The following TDP1 variants were observed in gnomAD, a reference collection of about 807,000 sequenced individuals.
TDP1 encodes tyrosyl-DNA phosphodiesterase 1.
A neutral mutation model predicts 81.5 loss-of-function variants in TDP1; 64 were observed. The observed-to-expected ratio is 0.79, with a 90% confidence interval of 0.64 to 0.97. TDP1 has a LOEUF of 0.97. TDP1 is among the 50% of genes least tolerant of loss of function. The probability of loss-of-function intolerance (pLI) is 0.00; values close to 1 mark genes in which losing one functional copy is unlikely to be tolerated. For missense variants in TDP1, 723 were observed against 743.8 expected, an observed-to-expected ratio of 0.97 and a Z score of 0.33; for synonymous variants, 256 against 264.3, an observed-to-expected ratio of 0.97 and a Z score of 0.30.
At chr14:90,001,895 A>C (rs905701117) in intron 14 of TDP1, among the ~76,000 whole-genome samples, 2 of 152,002 alleles carry the variant, frequency 1.3e-5, no homozygotes, top group African/African-American at 4.8e-5. Flanking sequence ...TTCTGTAGGC[A>C]TCGACCTGGT....
chr14:90,033,991 C>A (rs1001329172), intron 16 of TDP1, among the ~76,000 whole-genome samples: 3 of 151,988 alleles, frequency 2.0e-5, no homozygotes, highest in African/African-American at 7.3e-5. Flanking sequence ...CGCTTGAGCC[C>A]AGGAGTTTGA....
rs987663931 is a variant in TDP1, at chr14:90,043,372, A to G, written c.*229A>G. 1.7e-6 allele frequency: 1 copy of G among 600,386 alleles called. No individual in the cohort carries two copies. Among genetic ancestry groups the G allele is most frequent in the Non-Finnish European group, 2.9e-6 (1 of 340,984 alleles). 37.2% of individuals were successfully genotyped at this position (600,386 alleles called of 1,614,324 possible). ...TTTTATATGTTTTGGAAAGAAAATTAGTGAACTTCTCTATGTTAAAAATAC... is the reference window on the plus strand; with the variant it reads ...TTTTATATGTTTTGGAAAGAAAATTGGTGAACTTCTCTATGTTAAAAATAC... On this transcript the variant is annotated 3_prime_UTR_variant, in exon 17 of 17. Transcript: ENST00000335725.
chr14:89,991,867 T>A, intron 12 of TDP1, 50 bp from the exon 13 acceptor site: 1 of 1,532,758 alleles, frequency 6.5e-7, no homozygotes, highest in East Asian at 2.3e-5. Context: ...TAATGAGGGA[T>A]CCTCAAATTA....
At position 89,980,555 on chromosome 14, in the gene TDP1, G is replaced by A; in HGVS notation, c.807G>A (p.Leu269=). ...GTTTTTAAAGGAAAATGATGCTGCT[G>A]CTCTATGAAGAAGGCCTCCGGGTTG... The part of the protein sequence containing the change: ...FGTHHTKMML[L]LYEEGLRVVI... Residue 269 remains leucine, a synonymous_variant, in exon 8 of 17, where the codon CTG becomes CTA. Transcript: ENST00000335725. 6.2e-7 allele frequency: 1 copy of A among 1,614,104 alleles called. No homozygotes were observed.
At chr14:89,992,973 T>C in intron 13 of TDP1, 3 of 979,666 alleles carry the variant, frequency 3.1e-6, no homozygotes, top group Non-Finnish European at 3.6e-6. Context: ...TTTTGTATTT[T>C]GTTTCATTCA....
chr14:89,964,610 T>C (rs1892715357), intron 3 of TDP1, among the ~76,000 whole-genome samples: 1 of 152,208 alleles, frequency 6.6e-6, no homozygotes, highest in African/African-American at 2.4e-5. Flanking sequence ...TTGTATATTG[T>C]GTGTGATGTA....
intron 14 of TDP1, among the ~76,000 whole-genome samples, chr14:90,015,402 T>C (rs1885194285): frequency 6.6e-6 from 1 of 152,216 alleles, no homozygotes; most frequent in South Asian, 2.1e-4. Flanking sequence ...AAACCTGTAA[T>C]AAGCAGTCAC....
chr14:90,032,175 A>G (rs766780005), intron 15 of TDP1, among the ~76,000 whole-genome samples: 3 of 152,178 alleles, frequency 2.0e-5, no homozygotes, highest in Non-Finnish European at 2.9e-5. Context: ...AGAAAAGTCT[A>G]GAACCCAGAT....
At chr14:90,020,126 T>G (rs1401796291) in intron 15 of TDP1, among the ~76,000 whole-genome samples, 1 of 152,112 alleles carries the variant, frequency 6.6e-6, no homozygotes, top group Non-Finnish European at 1.5e-5. Flanking sequence ...AGTGGCTGTG[T>G]CCAAACACCA....
intron 15 of TDP1, among the ~76,000 whole-genome samples, chr14:90,020,342 TCCTTCCTC>T (rs1885826636): frequency 7.2e-6 from 1 of 138,486 alleles, no homozygotes; most frequent in Non-Finnish European, 1.5e-5. Flanking sequence ...GCTTTTTCCT[TCCTTCCTC>T]CCTTCCTCCC....
chr14:89,969,876 C>CTTT lies in TDP1; in HGVS notation c.660-1283_660-1281dup, dbSNP rs5810477. On this transcript the variant is annotated intron_variant, in intron 5 of 16. Coordinates refer to ENST00000335725, the MANE Select transcript of TDP1 (RefSeq NM_018319.4). ...AGAGCTTGTAGAAATATACTTATTT[C>CTTT]TTTTTTTTTTTTTTTTTTGAGGCGG... Among the ~76,000 whole-genome samples, 1,135 of 122,800 alleles carry CTTT rather than the reference C, an allele frequency of 9.2e-3. 49 individuals carry two copies. Among genetic ancestry groups the CTTT allele is most frequent in the African/African-American group, 0.031 (1,013 of 32,614 alleles). 80.6% of individuals were successfully genotyped at this position (122,800 alleles called of 152,430 possible). A position where few individuals can be genotyped will look rare whatever the true frequency, so the allele number is the denominator to read the frequency against.
chr14:90,043,414 C>G lies in TDP1; in HGVS notation c.*271C>G, dbSNP rs1268838000. On this transcript the variant is annotated 3_prime_UTR_variant, in exon 17 of 17. Coordinates refer to ENST00000335725, the MANE Select transcript of TDP1 (RefSeq NM_018319.4). Reference sequence around the variant, plus strand: ...TAAAAATACGTACTGCTTGAGTATCCCCTGTCTGAAATGCTTGGGACCAGA... The same window carrying G: ...TAAAAATACGTACTGCTTGAGTATCGCCTGTCTGAAATGCTTGGGACCAGA... The G allele has an allele frequency of 1.9e-6, 1 of 537,484 alleles. No homozygotes were observed. The highest frequency in any genetic ancestry group is 3.3e-6 in the Non-Finnish European group (1 of 300,426). The allele number at this position is 537,484 out of a possible 1,614,324, so 33.3% of individuals were successfully genotyped here.
intron 14 of TDP1, among the ~76,000 whole-genome samples, chr14:90,012,490 G>T (rs191320914): frequency 1.1e-4 from 16 of 151,604 alleles, no homozygotes; most frequent in Admixed American, 9.2e-4. Context: ...CCTCGTCCCT[G>T]GAGCAAACTT....
intron 8 of TDP1, chr14:89,983,020 CATT>C (rs1895168853): frequency 2.3e-6 from 1 of 428,794 alleles, no homozygotes; most frequent in Admixed American, 2.8e-5. Context: ...TTATTTGGCT[CATT>C]ATAATAATTT....
chr14:90,004,097 G>A (rs1163967159), intron 14 of TDP1, among the ~76,000 whole-genome samples: 2 of 152,116 alleles, frequency 1.3e-5, no homozygotes, highest in African/African-American at 2.4e-5. Flanking sequence ...ACGCCTACAA[G>A]TGACTTCCTT....
intron 14 of TDP1, among the ~76,000 whole-genome samples, chr14:90,006,028 C>T (rs977592793): frequency 2.0e-5 from 3 of 152,150 alleles, no homozygotes; most frequent in Non-Finnish European, 2.9e-5. Context: ...ACTATGCCAT[C>T]GGGCACCAAG....
intron 6 of TDP1, among the ~76,000 whole-genome samples, chr14:89,972,417 C>T (rs1343743734): frequency 6.6e-6 from 1 of 152,230 alleles, no homozygotes; most frequent in Non-Finnish European, 1.5e-5. Flanking sequence ...CCTCCTCCAA[C>T]ATTGGGGATT....
At chr14:90,005,431 T>A (rs1481121940) in intron 14 of TDP1, among the ~76,000 whole-genome samples, 2 of 152,244 alleles carry the variant, frequency 1.3e-5, no homozygotes, top group Non-Finnish European at 2.9e-5. Context: ...TAAATCATTA[T>A]AATAGATCAT....
At chr14:89,982,290 C>T (rs918091920) in intron 8 of TDP1, among the ~76,000 whole-genome samples, 8 of 152,128 alleles carry the variant, frequency 5.3e-5, no homozygotes, top group Non-Finnish European at 8.8e-5. Context: ...GGGATAGCTG[C>T]TTGGTCTCTA....
Sources: gnomAD v4.1 joint callset for allele counts (sites outside exome capture counted in the v4.1 genomes callset) on GRCh38, gnomAD v4.1.1 for gene constraint, MANE v1.5 for transcripts, NCBI Gene and HGNC (gene_info 2026-07-23, HGNC 2026-07-21) for gene names.